Variants in MOSPD3 observed in about 807,000 individuals in gnomAD.
The protein encoded by MOSPD3 is motile sperm domain containing 3, also known as motile sperm domain-containing protein 3.
In MOSPD3, 20 loss-of-function variants were observed where a neutral mutation model predicts 23.3. The ratio of observed to expected loss-of-function variants is 0.86; its 90% CI spans 0.61 to 1.25. MOSPD3 has a LOEUF of 1.25. MOSPD3 is among the 50% of genes most tolerant of loss of function. The pLI is 0.00. For synonymous variants in MOSPD3, 136 were observed against 135.2 expected, an observed-to-expected ratio of 1.01 and a Z score of -0.04; for missense variants, 307 against 315.7, an observed-to-expected ratio of 0.97 and a Z score of 0.21.
chr7:100,614,708 A>C (rs577646757), intron 3 of MOSPD3, among the ~76,000 whole-genome samples, 159 bp from the exon 4 acceptor site: 67 of 152,294 alleles, frequency 4.4e-4, no homozygotes, highest in African/African-American at 1.5e-3. Flanking sequence ...CAAGAGTTCC[A>C]GACCAGCCTG....
intron 2 of MOSPD3, 46 bp from the exon 3 acceptor site, chr7:100,613,431 A>G (rs1458929354): frequency 1.3e-6 from 2 of 1,598,726 alleles, no homozygotes; most frequent in Non-Finnish European, 1.7e-6. Context: ...TCCTTGGATT[A>G]CTGCCTCATT....
At position 100,612,822 on chromosome 7, in the gene MOSPD3, C is replaced by A; in HGVS notation, c.31C>A (p.Leu11Met). 1 of 1,604,130 alleles carries A rather than the reference C, an allele frequency of 6.2e-7. No homozygotes were observed. The highest frequency in any genetic ancestry group is 8.5e-7 in the Non-Finnish European group (1 of 1,177,016). MRRGAPQDQE[L>M]VGPGPPGRGS... ...CCGTGGGGCGCCCCAGGACCAGGAG[C>A]TGGTGGGTCCGGGGCCCCCTGGGCG... Residue 11 changes from leucine to methionine, a missense_variant, in exon 1 of 5, where the codon CTG becomes ATG. Physicochemically the swap from Leu to Met is conservative, Grantham distance 15 (BLOSUM62 2). Transcript: ENST00000393950.
Position 100,615,243 on chromosome 7 carries a change from C to A in MOSPD3, c.*60C>A. ...CCTGGGCAGGGTCTTGAGGCAGCCA[C>A]TGTGATGCTCATACCTTACCTTGCC... On this transcript the variant is annotated 3_prime_UTR_variant, in exon 5 of 5. Transcript: ENST00000393950. 1 of 1,528,236 alleles carries A rather than the reference C, an allele frequency of 6.5e-7. No homozygotes were observed. The highest frequency in any genetic ancestry group is 1.2e-5 in the South Asian group (1 of 85,580). 94.7% of individuals were successfully genotyped at this position (1,528,236 alleles called of 1,614,324 possible). A position where few individuals can be genotyped will look rare whatever the true frequency, so the allele number is the denominator to read the frequency against.
chr7:100,613,263 T>C lies in MOSPD3; in HGVS notation c.275T>C (p.Ile92Thr). The change falls in exon 2 of 5, where the codon ATT becomes ACT. Residue 92 changes from isoleucine (I) to threonine (T), a missense_variant. By Grantham distance (89) the Ile-to-Thr change is moderately conservative (BLOSUM62 -1). Transcript: ENST00000393950. Reference sequence around the variant, plus strand: ...GGATATGTGAAGCCCCAGTCTTGCATTGACATGTGAGTGAGCTGGGAGGGT... The same window carrying C: ...GGATATGTGAAGCCCCAGTCTTGCACTGACATGTGAGTGAGCTGGGAGGGT... ...AEGYVKPQSCIDIVIRHVAPI... is the reference protein window; with the variant it reads ...AEGYVKPQSCTDIVIRHVAPI... The C allele has an allele frequency of 1.2e-6, 2 of 1,614,106 alleles. No homozygotes were observed. Among genetic ancestry groups the C allele is most frequent in the Non-Finnish European group, 8.5e-7 (1 of 1,180,000 alleles).
chr7:100,615,119 T>C, intron 4 of MOSPD3, 33 bp from the exon 5 acceptor site: 2 of 1,614,100 alleles, frequency 1.2e-6, no homozygotes, highest in Non-Finnish European at 1.7e-6. Flanking sequence ...GGGCTGCCCA[T>C]GCGACCCTAT....
Position 100,615,256 on chromosome 7 carries a change from A to G in MOSPD3, c.*73A>G. 6.9e-7 allele frequency: 1 copy of G among 1,440,716 alleles called. No individual in the cohort carries two copies. 89.2% of individuals were successfully genotyped at this position (1,440,716 alleles called of 1,614,324 possible). ...TTGAGGCAGCCACTGTGATGCTCATACCTTACCTTGCCTCCTACCCTCTTC... is the reference window on the plus strand; with the variant it reads ...TTGAGGCAGCCACTGTGATGCTCATGCCTTACCTTGCCTCCTACCCTCTTC... On this transcript the variant is annotated 3_prime_UTR_variant, in exon 5 of 5. Coordinates refer to ENST00000393950, the MANE Select transcript of MOSPD3 (RefSeq NM_023948.5).
chr7:100,612,194 C>G (rs566263504), upstream of MOSPD3: 23 of 152,488 alleles, frequency 1.5e-4, no homozygotes, highest in South Asian at 4.7e-3. Context: ...TGGAACATGG[C>G]AACATTAATC....
At position 100,614,467 on chromosome 7, in the gene MOSPD3, CA is replaced by C. The variant is rs56091610; in HGVS notation, c.512-386del. ...GGTGCAACAGAGTGAGACTCCGTCTCAAAAAAAAAAAAAAGTAGATACAGGG... is the reference window on the plus strand; with the variant it reads ...GGTGCAACAGAGTGAGACTCCGTCTCAAAAAAAAAAAAAGTAGATACAGGG... On this transcript the variant is annotated intron_variant, in intron 3 of 4. Transcript: ENST00000393950. Among the ~76,000 whole-genome samples the C allele has an allele frequency of 1.9e-3, 250 of 128,614 alleles. 2 individuals carry two copies. Among genetic ancestry groups the C allele is most frequent in the African/African-American group, 3.8e-3 (129 of 34,140 alleles). 84.4% of individuals were successfully genotyped at this position (128,614 alleles called of 152,430 possible).
chr7:100,613,844 G>A (rs906924395), intron 3 of MOSPD3, 138 bp downstream of exon 3: 13 of 786,448 alleles, frequency 1.7e-5, no homozygotes, highest in Admixed American at 1.1e-4. Context: ...TCCGAGTTGA[G>A]ATTTTATATC....
chr7:100,615,264 T>C lies in MOSPD3; in HGVS notation c.*81T>C. On this transcript the variant is annotated 3_prime_UTR_variant, in exon 5 of 5. Transcript: ENST00000393950. ...GCCACTGTGATGCTCATACCTTACC[T>C]TGCCTCCTACCCTCTTCTCTTTCCT... is the stretch of plus-strand genomic sequence containing the variant. 1 of 1,276,862 alleles carries C rather than the reference T, an allele frequency of 7.8e-7. No individual in the cohort carries two copies. Among genetic ancestry groups the C allele is most frequent in the Non-Finnish European group, 1.1e-6 (1 of 921,684 alleles). The allele number at this position is 1,276,862 out of a possible 1,614,324, so 79.1% of individuals were successfully genotyped here.
chr7:100,614,776 T>A (rs2131299009), intron 3 of MOSPD3, 91 bp from the exon 4 acceptor site: 10 of 1,298,194 alleles, frequency 7.7e-6, no homozygotes, highest in South Asian at 3.2e-5. Context: ...AAAAAAAAAG[T>A]AGATACATCT....
In MOSPD3 at chr7:100,615,210, C is replaced by A; in HGVS notation, c.*27C>A. 6.2e-7 allele frequency: 1 copy of A among 1,610,668 alleles called. No homozygotes were observed. The highest frequency in any genetic ancestry group is 8.5e-7 in the Non-Finnish European group (1 of 1,178,040). On this transcript the variant is annotated 3_prime_UTR_variant, in exon 5 of 5. Transcript: ENST00000393950. The stretch of plus-strand genomic sequence containing the variant: ...CTCCGTGCTCAACCCCCAGCCCACC[C>A]CACCCTCCCTGGGCAGGGTCTTGAG...
At chr7:100,613,403 TG>T (rs1562831196) in intron 2 of MOSPD3, 73 bp from the exon 3 acceptor site, 6 of 1,570,420 alleles carry the variant, frequency 3.8e-6, no homozygotes, top group Non-Finnish European at 4.4e-6. Flanking sequence ...GAGAGACTTC[TG>T]GGGGGAGGCC....
Position 100,615,309 on chromosome 7 carries a change from C to A in MOSPD3, c.*126C>A. ...TTTCCTGCCTACTCCCCACTCCTCC[C>A]TGACAAAAAACACCCAGGGATTTGT... On this transcript the variant is annotated 3_prime_UTR_variant, in exon 5 of 5. Transcript: ENST00000393950. The A allele has an allele frequency of 2.5e-6, 2 of 807,202 alleles. No homozygotes were observed. Among genetic ancestry groups the A allele is most frequent in the Non-Finnish European group, 1.9e-6 (1 of 518,902 alleles). 50.0% of individuals were successfully genotyped at this position (807,202 alleles called of 1,614,324 possible). A position where few individuals can be genotyped will look rare whatever the true frequency, so the allele number is the denominator to read the frequency against.
Position 100,615,044 on chromosome 7 carries a change from G to C in MOSPD3, c.676+13G>C, listed in dbSNP as rs1362237018. On this transcript the variant is annotated intron_variant, in intron 4 of 4. Transcript: ENST00000393950. Reference sequence around the variant, plus strand: ...GCCTACGTCTTGGGTGAGGACAGTAGTGGCCAGGGACCCAGGCCCCAGGAA... The same window carrying C: ...GCCTACGTCTTGGGTGAGGACAGTACTGGCCAGGGACCCAGGCCCCAGGAA... 6.2e-7 allele frequency: 1 copy of C among 1,614,234 alleles called. No homozygotes were observed. The highest frequency in any genetic ancestry group is 1.1e-5 in the South Asian group (1 of 91,088).
chr7:100,614,663 A>G (rs1802940090), intron 3 of MOSPD3, among the ~76,000 whole-genome samples: 1 of 152,014 alleles, frequency 6.6e-6, no homozygotes, highest in Admixed American at 6.6e-5. Flanking sequence ...AGTCCCAGCT[A>G]CTTAGGAAGC....
At position 100,613,262 on chromosome 7, in the gene MOSPD3, A is replaced by T; in HGVS notation, c.274A>T (p.Ile92Phe). The change falls in exon 2 of 5, where the codon ATT becomes TTT. Residue 92 changes from isoleucine to phenylalanine, a missense_variant. By Grantham distance (21) the Ile-to-Phe change is conservative (BLOSUM62 0). Transcript: ENST00000393950. ...GGGATATGTGAAGCCCCAGTCTTGC[A>T]TTGACATGTGAGTGAGCTGGGAGGG... is the stretch of plus-strand genomic sequence containing the variant. ...AEGYVKPQSC[I>F]DIVIRHVAPI... The T allele has an allele frequency of 6.2e-7, 1 of 1,606,958 alleles. No individual in the cohort carries two copies. The highest frequency in any genetic ancestry group is 8.5e-7 in the Non-Finnish European group (1 of 1,175,326).
Position 100,615,039 on chromosome 7 carries a change from C to T in MOSPD3, c.676+8C>T, listed in dbSNP as rs1802956149. ...TGGCCGCCTACGTCTTGGGTGAGGA[C>T]AGTAGTGGCCAGGGACCCAGGCCCC... On this transcript the variant is annotated splice_region_variant and intron_variant, in intron 4 of 4. Transcript: ENST00000393950. 1 of 1,614,204 alleles carries T rather than the reference C, an allele frequency of 6.2e-7. No homozygotes were observed. Among genetic ancestry groups the T allele is most frequent in the East Asian group, 2.2e-5 (1 of 44,890 alleles).
chr7:100,613,071 G>A lies in MOSPD3; in HGVS notation c.205+75G>A, dbSNP rs535053373. On this transcript the variant is annotated intron_variant, in intron 1 of 4. Transcript: ENST00000393950. ...TGTGTTGGCTGGAGGAGTCAGATGG[G>A]TAGGGTTGCACGTCCAGCTTTGGTG... 73 of 1,588,570 alleles carry A rather than the reference G, an allele frequency of 4.6e-5. No individual in the cohort carries two copies. In the African/African-American group the frequency reaches 5.5e-4, roughly 12 times the overall value.
Sources: gnomAD v4.1 joint callset for allele counts (sites outside exome capture counted in the v4.1 genomes callset) on GRCh38, gnomAD v4.1.1 for gene constraint, MANE v1.5 for transcripts, NCBI Gene and HGNC (gene_info 2026-07-23, HGNC 2026-07-21) for gene names.